The following TMTC3 variants were observed in gnomAD, a reference collection of about 807,000 sequenced individuals.
The protein encoded by TMTC3 is protein O-mannosyl-transferase TMTC3.
In TMTC3, 52 loss-of-function variants were observed where a neutral mutation model predicts 92.2. The ratio of observed to expected loss-of-function variants is 0.56; its 90% confidence interval spans 0.45 to 0.71. The LOEUF (loss-of-function observed/expected upper bound fraction) is 0.71. Ranked by LOEUF, TMTC3 falls within the 30% of genes least tolerant of loss-of-function variation. TMTC3 has a pLI of 0.00. For missense variants in TMTC3, 896 were observed against 1,057.1 expected (o/e 0.85, Z 2.11); for synonymous variants, 339 against 363.3 (o/e 0.93, Z 0.76).
At chr12:88,159,988 G>A in intron 4 of TMTC3, 126 bp from the exon 5 acceptor site, 1 of 513,218 alleles carries the variant, frequency 1.9e-6, no homozygotes, top group South Asian at 3.8e-5. Context: ...ATATTTTAAA[G>A]TATGTACTAC....
chr12:88,192,893 ATTTAAC>A (rs2041460681), intron 13 of TMTC3, 63 bp downstream of exon 13: 1 of 1,332,274 alleles, frequency 7.5e-7, no homozygotes, highest in Non-Finnish European at 1.0e-6. Context: ...TAAGACCTTA[ATTTAAC>A]TTTATTACCC....
Position 88,197,259 on chromosome 12 carries a change from ATTTTTTTTTTT to A in TMTC3, c.*1625_*1635del, listed in dbSNP as rs60468231. 1.8e-5 allele frequency: 2 copies of A among 110,576 alleles called. No homozygotes were observed. Among genetic ancestry groups the A allele is most frequent in the East Asian group, 2.8e-4 (1 of 3,532 alleles). 6.8% of individuals were successfully genotyped at this position (110,576 alleles called of 1,614,324 possible). On this transcript the variant is annotated 3_prime_UTR_variant, in exon 14 of 14. Transcript: ENST00000266712. ...TAGGTTCCCTAAGGATCTGCCATAG[ATTTTTTTTTTT>A]TTTTTTTTTTTTTTAGGTAGTTTAA...
At chr12:88,174,032 A>G (rs2041232884) in intron 8 of TMTC3, among the ~76,000 whole-genome samples, 1 of 152,116 alleles carries the variant, frequency 6.6e-6, no homozygotes. Context: ...ACTAAACAAG[A>G]TCATAAAGAT....
At chr12:88,154,846 C>T (rs1367855523) in intron 4 of TMTC3, among the ~76,000 whole-genome samples, 1 of 152,134 alleles carries the variant, frequency 6.6e-6, no homozygotes, top group East Asian at 1.9e-4. Context: ...GTGACCTACC[C>T]TGGAAAGTGC....
At chr12:88,160,045 TA>T in intron 4 of TMTC3, 68 bp from the exon 5 acceptor site, 1 of 1,078,840 alleles carries the variant, frequency 9.3e-7, no homozygotes, top group East Asian at 2.7e-5. Flanking sequence ...TCACAAAGTT[TA>T]AAATATCTTT....
intron 8 of TMTC3, among the ~76,000 whole-genome samples, chr12:88,173,574 T>A (rs1316581180): frequency 7.2e-5 from 11 of 152,078 alleles, no homozygotes; most frequent in Non-Finnish European, 1.5e-4. Context: ...ACCTGCTCTT[T>A]GAATATTTAC....
chr12:88,149,159 A>G (rs989611061), intron 2 of TMTC3, among the ~76,000 whole-genome samples: 3 of 152,160 alleles, frequency 2.0e-5, no homozygotes, highest in Non-Finnish European at 4.4e-5. Context: ...CTCTTACATA[A>G]TAGTTATTTA....
intron 8 of TMTC3, chr12:88,173,125 A>G (rs1592738474): frequency 8.4e-7 from 1 of 1,193,098 alleles, no homozygotes; most frequent in Non-Finnish European, 1.1e-6. Context: ...TAAAATGCAT[A>G]TAGTAAGCAA....
chr12:88,158,131 G>A (rs948423993), intron 4 of TMTC3, among the ~76,000 whole-genome samples: 1 of 152,120 alleles, frequency 6.6e-6, no homozygotes, highest in East Asian at 1.9e-4. Flanking sequence ...ACTCCATAGA[G>A]TGATTTTAAG....
intron 1 of TMTC3, among the ~76,000 whole-genome samples, chr12:88,145,431 T>A (rs1159433419): frequency 6.6e-6 from 1 of 152,184 alleles, no homozygotes; most frequent in African/African-American, 2.4e-5. Flanking sequence ...GTTTTGTATA[T>A]CTATAATGTA....
At chr12:88,145,357 T>C (rs1019594985) in intron 1 of TMTC3, among the ~76,000 whole-genome samples, 17 of 152,222 alleles carry the variant, frequency 1.1e-4, no homozygotes, top group Non-Finnish European at 2.5e-4. Context: ...TTCTTGTCCA[T>C]GAAATTAAGG....
At chr12:88,169,266 T>C (rs765590331) in intron 7 of TMTC3, among the ~76,000 whole-genome samples, 1 of 152,114 alleles carries the variant, frequency 6.6e-6, no homozygotes, top group Non-Finnish European at 1.5e-5. Context: ...TAGCAGTGCG[T>C]TGCCACTCTG....
At chr12:88,179,734 G>C (rs762104301) in intron 10 of TMTC3, among the ~76,000 whole-genome samples, 2 of 151,954 alleles carry the variant, frequency 1.3e-5, no homozygotes, top group African/African-American at 4.8e-5. Context: ...AGCAGGCCCC[G>C]GTCGCATTTA....
chr12:88,190,322 C>T, intron 11 of TMTC3, 131 bp from the exon 12 acceptor site: 1 of 729,148 alleles, frequency 1.4e-6, no homozygotes, highest in South Asian at 2.5e-5. Flanking sequence ...AGGAGTAGAA[C>T]CCTGATCTCT....
rs1451357732 is a variant in TMTC3, at chr12:88,195,544, A to G, written c.2640A>G (p.Glu880=). The change falls in exon 14 of 14, where the codon GAA becomes GAG. Residue 880 remains glutamate (E), a synonymous_variant. Transcript: ENST00000266712. ...SNKQLGKNGD[E]ETPHKTTKDI... Reference sequence around the variant, plus strand: ...AACAATTAGGAAAAAATGGAGACGAAGAGACACCCCACAAAACAACAAAAG... The same window carrying G: ...AACAATTAGGAAAAAATGGAGACGAGGAGACACCCCACAAAACAACAAAAG... 4.3e-6 allele frequency: 7 copies of G among 1,613,246 alleles called. No individual in the cohort carries two copies. The highest frequency in any genetic ancestry group is 5.9e-6 in the Non-Finnish European group (7 of 1,179,744).
intron 6 of TMTC3, among the ~76,000 whole-genome samples, chr12:88,165,075 G>A (rs1275605807): frequency 2.6e-5 from 4 of 151,934 alleles, no homozygotes; most frequent in Admixed American, 2.0e-4. Flanking sequence ...CCTATCTACA[G>A]TCTAAAAATA....
chr12:88,190,473 T>G lies in TMTC3; in HGVS notation c.1557T>G (p.Tyr519Ter), dbSNP rs759453135. The G allele has an allele frequency of 1.2e-6, 2 of 1,613,378 alleles. No individual in the cohort carries two copies. The highest frequency in any genetic ancestry group is 2.7e-5 in the African/African-American group (2 of 74,910). ...AACAGATTATTCCTGGTAAAAAATA[T>G]GCAGCCAGAATTGCCCCTAACCACC... ...LMPQIIPGKK[Y>*]AARIAPNHLN... Residue 519 changes from tyrosine (Y) to a stop codon, truncating the protein, a stop_gained, in exon 12 of 14, where the codon TAT becomes TAG. Transcript: ENST00000266712. LOFTEE classifies it high-confidence loss of function.
At chr12:88,170,644 TAAGTC>T (rs2041194521) in intron 7 of TMTC3, among the ~76,000 whole-genome samples, 1 of 152,200 alleles carries the variant, frequency 6.6e-6, no homozygotes, top group Non-Finnish European at 1.5e-5. Flanking sequence ...TTTCACAAAT[TAAGTC>T]AAATAGAAAA....
At position 88,172,632 on chromosome 12, in the gene TMTC3, A is replaced by C. The variant is rs764615630; in HGVS notation, c.1086A>C (p.Ala362=). 9 of 1,561,044 alleles carry C rather than the reference A, an allele frequency of 5.8e-6. No homozygotes were observed. The highest frequency in any genetic ancestry group is 7.8e-6 in the Non-Finnish European group (9 of 1,155,438). ...LCLMALPFIP[A]SNLFFPVGFV... ...TAATGGCATTACCATTTATTCCTGC[A>C]TCGAACCTTTTTTTTCCAGTTGGAT... is the stretch of plus-strand genomic sequence containing the variant. The change falls in exon 8 of 14, where the codon GCA becomes GCC. Residue 362 remains alanine, a synonymous_variant. Transcript: ENST00000266712.
Sources: allele counts gnomAD v4.1 joint callset (sites outside exome capture counted in the v4.1 genomes callset), GRCh38; gene constraint gnomAD v4.1.1; transcripts MANE v1.5; gene names NCBI Gene and HGNC (gene_info 2026-07-23, HGNC 2026-07-21).